SYT1: variants seen among roughly 807,000 people sequenced by gnomAD.
SYT1 encodes the protein synaptotagmin 1, also known as synaptotagmin-1.
In SYT1, 8 loss-of-function variants were observed where a neutral mutation model predicts 44.8. The observed-to-expected ratio is 0.18, with a 90% confidence interval of 0.10 to 0.32. SYT1 has a LOEUF of 0.32. Ranked by LOEUF, SYT1 falls within the 10% of genes least tolerant of loss-of-function variation. The probability of loss-of-function intolerance (pLI) is 1.00; values close to 1 mark genes in which losing one functional copy is unlikely to be tolerated. For synonymous variants in SYT1, 154 were observed against 188.8 expected (o/e 0.82, Z 1.51); for missense variants, 286 against 509.3 (o/e 0.56, Z 4.22).
chr12:79,084,377 C>T (rs944497441), intron 3 of SYT1, among the ~76,000 whole-genome samples: 11 of 152,028 alleles, frequency 7.2e-5, no homozygotes, highest in African/African-American at 2.7e-4. Flanking sequence ...ATTAGTTGAA[C>T]ATACACTAGT....
At chr12:78,964,573 T>C (rs143198116) in intron 1 of SYT1, among the ~76,000 whole-genome samples, 46 of 152,304 alleles carry the variant, frequency 3.0e-4, no homozygotes, top group Non-Finnish European at 5.9e-4. Context: ...ACAATTGAAA[T>C]AGTGAATATG....
At chr12:79,336,476 T>C (rs1278153150) in intron 8 of SYT1, among the ~76,000 whole-genome samples, 1 of 152,190 alleles carries the variant, frequency 6.6e-6, no homozygotes, top group African/African-American at 2.4e-5. Context: ...CCTACGGCTT[T>C]GCCTCTCTAA....
chr12:79,423,019 T>C (rs1240036435), intron 9 of SYT1, among the ~76,000 whole-genome samples: 1 of 152,124 alleles, frequency 6.6e-6, no homozygotes, highest in Non-Finnish European at 1.5e-5. Context: ...GATAGTCATT[T>C]AGTTAGTTTC....
chr12:78,881,979 ATT>A (rs11361669), intron 1 of SYT1, among the ~76,000 whole-genome samples: 18 of 151,406 alleles, frequency 1.2e-4, no homozygotes, highest in South Asian at 1.0e-3. Flanking sequence ...AGCACCCTGT[ATT>A]TTTTTTATAA....
At chr12:78,971,584 T>C (rs987215576) in intron 1 of SYT1, among the ~76,000 whole-genome samples, 6 of 152,188 alleles carry the variant, frequency 3.9e-5, no homozygotes, top group African/African-American at 1.2e-4. Context: ...TTGAATAATA[T>C]GGTAAACAAT....
At chr12:78,971,544 T>C (rs1868387465) in intron 1 of SYT1, among the ~76,000 whole-genome samples, 2 of 152,200 alleles carry the variant, frequency 1.3e-5, no homozygotes, top group African/African-American at 2.4e-5. Context: ...AGAAAAATTA[T>C]ATAAAGTTTC....
chr12:79,098,162 T>A lies in SYT1; in HGVS notation c.-18+50800T>A, dbSNP rs149806177. Reference sequence around the variant, plus strand: ...TATTTATATGAATGAGATGTTAACATCCACTTTTATACACGAATCTCCCTC... The same window carrying A: ...TATTTATATGAATGAGATGTTAACAACCACTTTTATACACGAATCTCCCTC... On this transcript the variant is annotated intron_variant, in intron 3 of 10. Transcript: ENST00000261205. Among the ~76,000 whole-genome samples, 339 of 152,158 alleles carry A rather than the reference T, an allele frequency of 2.2e-3. 1 individual carries two copies. In the Middle Eastern group the frequency reaches 0.024, roughly 11 times the overall value.
At chr12:78,882,819 G>T (rs1874528612) in intron 1 of SYT1, among the ~76,000 whole-genome samples, 1 of 151,730 alleles carries the variant, frequency 6.6e-6, no homozygotes, top group East Asian at 1.9e-4. Context: ...TTAACCTTGA[G>T]TTTTTATCCA....
intron 3 of SYT1, among the ~76,000 whole-genome samples, chr12:79,196,074 C>T (rs1269295635): frequency 6.6e-6 from 1 of 152,114 alleles, no homozygotes; most frequent in Non-Finnish European, 1.5e-5. Flanking sequence ...ATCTCTTGCC[C>T]AGCCAGGTAG....
chr12:79,326,429 A>G (rs1273177484), intron 8 of SYT1, among the ~76,000 whole-genome samples: 1 of 152,276 alleles, frequency 6.6e-6, no homozygotes, highest in African/African-American at 2.4e-5. Flanking sequence ...AGATGCGGTC[A>G]TTAGAGCAGA....
intron 1 of SYT1, among the ~76,000 whole-genome samples, chr12:78,958,046 T>C (rs1879299796): frequency 6.6e-6 from 1 of 152,194 alleles, no homozygotes; most frequent in Admixed American, 6.5e-5. Context: ...CTGTTCAAAC[T>C]AATTTTTATG....
At chr12:79,282,147 A>G (rs1460863185) in intron 4 of SYT1, among the ~76,000 whole-genome samples, 1 of 152,190 alleles carries the variant, frequency 6.6e-6, no homozygotes, top group African/African-American at 2.4e-5. Context: ...ATAATTCAGG[A>G]TAATTTCCCC....
In SYT1 at chr12:79,085,288, A is replaced by G. The variant is rs568602171; in HGVS notation, c.-18+37926A>G. On this transcript the variant is annotated intron_variant, in intron 3 of 10. Coordinates refer to ENST00000261205, the MANE Select transcript of SYT1 (RefSeq NM_005639.3). ...GAAAAATTAATGTGGCAGAGGTGGA[A>G]TTTTCCACTTGTGGCGTCATGTCTG... 1.1e-4 allele frequency among the ~76,000 whole-genome samples: 17 copies of G among 152,230 alleles called. No individual in the cohort carries two copies. The East Asian group carries it at 3.1e-3, about 28-fold the overall frequency.
chr12:79,265,042 T>G (rs1232504304), intron 4 of SYT1, among the ~76,000 whole-genome samples: 1 of 152,132 alleles, frequency 6.6e-6, no homozygotes, highest in Non-Finnish European at 1.5e-5. Flanking sequence ...TCTAGACAGC[T>G]TTTATAGTTT....
At chr12:78,953,446 A>C (rs1348989409) in intron 1 of SYT1, among the ~76,000 whole-genome samples, 1 of 152,074 alleles carries the variant, frequency 6.6e-6, no homozygotes, top group East Asian at 1.9e-4. Flanking sequence ...GGCACATTAG[A>C]AGTATCCGAA....
chr12:79,249,506 T>C (rs1191957442), intron 4 of SYT1, among the ~76,000 whole-genome samples: 1 of 152,108 alleles, frequency 6.6e-6, no homozygotes, highest in Non-Finnish European at 1.5e-5. Flanking sequence ...CATACACAAC[T>C]CTATGGAAGG....
rs560660825 is a variant in SYT1 at position 79,105,875 on chromosome 12, G to A, written c.-18+58513G>A. ...AGCCTGGGCAACAGAGCTAGACTCC[G>A]TCTCAAGAAAAGAAAAAAAAAAAAA... On this transcript the variant is annotated intron_variant, in intron 3 of 10. Coordinates refer to ENST00000261205, the MANE Select transcript of SYT1 (RefSeq NM_005639.3). Among the ~76,000 whole-genome samples the A allele has an allele frequency of 4.7e-5, 7 of 149,540 alleles. No individual in the cohort carries two copies. The East Asian group carries it at 7.8e-4, about 17-fold the overall frequency.
At chr12:79,099,737 G>A (rs1878339992) in intron 3 of SYT1, among the ~76,000 whole-genome samples, 1 of 151,972 alleles carries the variant, frequency 6.6e-6, no homozygotes, top group African/African-American at 2.4e-5. Flanking sequence ...GTAATGTACT[G>A]TGTGATTTTA....
chr12:79,228,254 C>G (rs573325128), intron 4 of SYT1, among the ~76,000 whole-genome samples: 1 of 152,218 alleles, frequency 6.6e-6, no homozygotes, highest in East Asian at 1.9e-4. Context: ...CTTCACATCT[C>G]TACCATACTT....
Sources: gnomAD v4.1 joint callset for allele counts (sites outside exome capture counted in the v4.1 genomes callset) on GRCh38, gnomAD v4.1.1 for gene constraint, MANE v1.5 for transcripts, NCBI Gene and HGNC (gene_info 2026-07-23, HGNC 2026-07-21) for gene names.